The following GRM8 variants were observed in gnomAD, a reference collection of about 807,000 sequenced individuals.
The protein encoded by GRM8 is glutamate metabotropic receptor 8.
In GRM8, 47 loss-of-function variants were observed where a neutral mutation model predicts 87.2. The ratio of observed to expected loss-of-function variants is 0.54; its 90% CI spans 0.43 to 0.69. The LOEUF (loss-of-function observed/expected upper bound fraction) is 0.69, where lower values mean the gene tolerates loss of function less well. GRM8 is among the 30% of genes least tolerant of loss of function. The pLI is 0.00. For missense variants in GRM8, 1,019 were observed against 1,139.2 expected (o/e 0.89, Z 1.52); for synonymous variants, 396 against 404.5 (o/e 0.98, Z 0.25).
At chr7:127,106,924 G>A (rs1364230937) in intron 2 of GRM8, among the ~76,000 whole-genome samples, 1 of 152,206 alleles carries the variant, frequency 6.6e-6, no homozygotes, top group Non-Finnish European at 1.5e-5. Flanking sequence ...TCTAAACAGT[G>A]AGAAAGAATT....
At chr7:127,194,076 C>G (rs888364128) in intron 2 of GRM8, among the ~76,000 whole-genome samples, 8 of 152,180 alleles carry the variant, frequency 5.3e-5, no homozygotes, top group African/African-American at 1.9e-4. Flanking sequence ...CTGAGCTCCT[C>G]CAATGACTGA....
chr7:126,448,683 G>C (rs1802287256), intron 9 of GRM8, among the ~76,000 whole-genome samples: 1 of 151,912 alleles, frequency 6.6e-6, no homozygotes, highest in African/African-American at 2.4e-5. Flanking sequence ...CCAAAATGCT[G>C]ATCTTAATTA....
At chr7:127,017,844 A>G (rs1361171294) in intron 3 of GRM8, among the ~76,000 whole-genome samples, 5 of 152,114 alleles carry the variant, frequency 3.3e-5, no homozygotes, top group Admixed American at 2.6e-4. Context: ...TAACGAAAAT[A>G]CTTAAATAAT....
intron 3 of GRM8, among the ~76,000 whole-genome samples, chr7:126,941,811 A>G (rs978719823): frequency 1.3e-5 from 2 of 152,222 alleles, no homozygotes; most frequent in African/African-American, 4.8e-5. Context: ...CAAAAATCAC[A>G]TCTACCTAGA....
chr7:126,632,011 A>G (rs878870136), intron 7 of GRM8, among the ~76,000 whole-genome samples: 1 of 152,208 alleles, frequency 6.6e-6, no homozygotes, highest in Non-Finnish European at 1.5e-5. Context: ...CAATTGCAAC[A>G]AAAGGAAAAA....
chr7:126,576,493 G>A (rs763815110), intron 8 of GRM8, among the ~76,000 whole-genome samples: 1 of 152,124 alleles, frequency 6.6e-6, no homozygotes, highest in Non-Finnish European at 1.5e-5. Context: ...ATGTTGCCCA[G>A]TCTGATCTCA....
rs75009171 is a variant in GRM8 at position 127,243,297 on chromosome 7, A to G, written c.-93T>C. ...CCTGAGGCTGCACCTTCTGGAGGCT[A>G]CCATCAGGGCCCATGGGGAAAAGGC... On this transcript the variant is annotated 5_prime_UTR_variant, in exon 2 of 11. Coordinates refer to ENST00000339582, the MANE Select transcript of GRM8 (RefSeq NM_000845.3). 8.2e-4 allele frequency: 945 copies of G among 1,147,380 alleles called. 9 individuals carry two copies. The Admixed American group carries it at 0.019, about 23-fold the overall frequency. The allele number at this position is 1,147,380 out of a possible 1,614,324, so 71.1% of individuals were successfully genotyped here. A position where few individuals can be genotyped will look rare whatever the true frequency, so the allele number is the denominator to read the frequency against.
intron 6 of GRM8, among the ~76,000 whole-genome samples, chr7:126,806,452 T>G (rs1792731764): frequency 6.6e-6 from 1 of 152,210 alleles, no homozygotes. Flanking sequence ...CCCGAGTGCA[T>G]TGTGGCTGCT....
At position 126,744,773 on chromosome 7, in the gene GRM8, A is replaced by C. The variant is rs1426917918; in HGVS notation, c.1357+25092T>G. ...TATGTGTCAGACCAGATTTCTTTAC[A>C]TTCCTCACCCAGAACTTAACATGGC... is the stretch of plus-strand genomic sequence containing the variant. On this transcript the variant is annotated intron_variant, in intron 7 of 10. Transcript: ENST00000339582. Among the ~76,000 whole-genome samples the C allele has an allele frequency of 4.0e-5, 6 of 151,898 alleles. No homozygotes were observed. In the East Asian group the frequency reaches 1.2e-3, roughly 29 times the overall value.
intron 7 of GRM8, among the ~76,000 whole-genome samples, chr7:126,614,792 A>C (rs1304079536): frequency 6.6e-6 from 1 of 152,226 alleles, no homozygotes; most frequent in Non-Finnish European, 1.5e-5. Context: ...AGATCAAATG[A>C]ATGCAATGAA....
At chr7:126,943,200 G>A (rs933238333) in intron 3 of GRM8, among the ~76,000 whole-genome samples, 1 of 152,138 alleles carries the variant, frequency 6.6e-6, no homozygotes, top group Non-Finnish European at 1.5e-5. Flanking sequence ...AATTACTAAT[G>A]GTCAGAGTCA....
At chr7:127,192,180 C>A (rs10275772) in intron 2 of GRM8, among the ~76,000 whole-genome samples, 1 of 152,142 alleles carries the variant, frequency 6.6e-6, no homozygotes, top group South Asian at 2.1e-4. Flanking sequence ...ATGTGAAATA[C>A]CTTTTCAAAT....
At chr7:127,185,846 A>G (rs1034051235) in intron 2 of GRM8, among the ~76,000 whole-genome samples, 1 of 152,108 alleles carries the variant, frequency 6.6e-6, no homozygotes, top group Non-Finnish European at 1.5e-5. Flanking sequence ...GCCACAAAAA[A>G]TTTTACCCAC....
At chr7:126,932,938 G>A (rs146349738) in intron 3 of GRM8, among the ~76,000 whole-genome samples, 47 of 152,258 alleles carry the variant, frequency 3.1e-4, no homozygotes, top group Middle Eastern at 3.4e-3. Context: ...TCAGGTTGTG[G>A]AGTTATATCA....
chr7:127,113,997 G>A (rs891253561), intron 2 of GRM8, among the ~76,000 whole-genome samples: 4 of 152,080 alleles, frequency 2.6e-5, no homozygotes, highest in Non-Finnish European at 4.4e-5. Context: ...TAAGGAGAGG[G>A]AAAAGAAGAA....
chr7:126,987,743 G>GT (rs1473353299), intron 3 of GRM8, among the ~76,000 whole-genome samples: 1 of 152,164 alleles, frequency 6.6e-6, no homozygotes, highest in African/African-American at 2.4e-5. Context: ...GATTACAGGC[G>GT]TGAGCCACGG....
intron 2 of GRM8, among the ~76,000 whole-genome samples, chr7:127,150,016 T>C (rs1166783017): frequency 2.0e-5 from 3 of 152,072 alleles, no homozygotes; most frequent in Admixed American, 2.0e-4. Context: ...TCATGCTAAA[T>C]GAGTGCTCTC....
intron 2 of GRM8, among the ~76,000 whole-genome samples, chr7:127,117,110 A>G (rs1013310279): frequency 1.3e-5 from 2 of 152,222 alleles, no homozygotes; most frequent in Non-Finnish European, 2.9e-5. Flanking sequence ...TATTACTTAT[A>G]AGCTCTAATA....
intron 7 of GRM8, among the ~76,000 whole-genome samples, chr7:126,719,769 G>A (rs1213060772): frequency 6.8e-6 from 1 of 147,172 alleles, no homozygotes; most frequent in Non-Finnish European, 1.5e-5. Flanking sequence ...ATCACAAATA[G>A]ACAGAGACTT....
Sources: gnomAD v4.1 joint callset for allele counts (sites outside exome capture counted in the v4.1 genomes callset) on GRCh38, gnomAD v4.1.1 for gene constraint, MANE v1.5 for transcripts, NCBI Gene and HGNC (gene_info 2026-07-23, HGNC 2026-07-21) for gene names.